Variants in ZCCHC2 observed in about 807,000 individuals in gnomAD.
ZCCHC2 encodes the protein zinc finger CCHC domain-containing protein 2.
In ZCCHC2, 39 loss-of-function variants were observed where a neutral mutation model predicts 103.6. The observed-to-expected ratio is 0.38, with a 90% CI of 0.29 to 0.49. The LOEUF (loss-of-function observed/expected upper bound fraction) is 0.49, where lower values mean the gene tolerates loss of function less well. Ranked by LOEUF, ZCCHC2 falls within the 20% of genes least tolerant of loss-of-function variation. ZCCHC2 has a pLI of 0.96. For missense variants in ZCCHC2, 1,483 were observed against 1,491.0 expected, an observed-to-expected ratio of 0.99 and a Z score of 0.09; for synonymous variants, 687 against 608.9, an observed-to-expected ratio of 1.13 and a Z score of -1.89.
chr18:62,567,415 T>A (rs572581406), intron 11 of ZCCHC2, among the ~76,000 whole-genome samples: 2 of 152,344 alleles, frequency 1.3e-5, no homozygotes, highest in Admixed American at 6.5e-5. Flanking sequence ...TTCTTAAAAA[T>A]TTATTATTAA....
At chr18:62,579,818 G>A (rs1390029299), downstream of ZCCHC2, among the ~76,000 whole-genome samples, 2 of 152,074 alleles carry the variant, frequency 1.3e-5, no homozygotes, top group African/African-American at 4.8e-5. Flanking sequence ...CACCTCCCGG[G>A]TTCAAGTGAT....
chr18:62,560,682 A>G (rs1297044121), intron 8 of ZCCHC2, 38 bp downstream of exon 8: 7 of 1,503,746 alleles, frequency 4.7e-6, no homozygotes, highest in Non-Finnish European at 6.4e-6. Flanking sequence ...GTGCTTTGGT[A>G]TGTTTTAAAA....
chr18:62,552,088 A>G (rs958176309), intron 5 of ZCCHC2: 11 of 152,102 alleles, frequency 7.2e-5, no homozygotes, highest in African/African-American at 2.7e-4. Flanking sequence ...ATTTTCATGT[A>G]TGACAAGATC....
In ZCCHC2 at chr18:62,549,812, T is replaced by C. The variant is rs1568547014; in HGVS notation, c.1201-536T>C. On this transcript the variant is annotated intron_variant, in intron 4 of 13. Coordinates refer to ENST00000269499, the MANE Select transcript of ZCCHC2 (RefSeq NM_017742.6). ...GTGGTTTTTATATAAATAAGTAATA[T>C]TGAGGGTTTCTCACCCGTCTCTCAT... Among the ~76,000 whole-genome samples the C allele has an allele frequency of 9.8e-5, 15 of 152,340 alleles. 1 individual carries two copies. The South Asian group carries it at 2.9e-3, about 29-fold the overall frequency.
intron 11 of ZCCHC2, among the ~76,000 whole-genome samples, chr18:62,565,529 A>G (rs950848649): frequency 2.6e-5 from 4 of 152,120 alleles, no homozygotes; most frequent in African/African-American, 9.7e-5. Flanking sequence ...AAGTTTTATG[A>G]GGCTTTAGGG....
At position 62,558,699 on chromosome 18, in the gene ZCCHC2, C is replaced by G; in HGVS notation, c.1421C>G (p.Ser474Cys). Residue 474 changes from serine (S) to cysteine (C), a missense_variant, in exon 7 of 14, where the codon TCC (serine) becomes TGC (cysteine). By Grantham distance (112) the Ser-to-Cys change is moderately radical. Transcript: ENST00000269499. ...DSLHSINNLQSSLKTSKILEH... is the reference protein window; with the variant it reads ...DSLHSINNLQCSLKTSKILEH... ...ATGCTTCCTGCAGATAACTTACAATCCTCTCTGAAGACTTCTAAGATATTA... is the reference window on the plus strand; with the variant it reads ...ATGCTTCCTGCAGATAACTTACAATGCTCTCTGAAGACTTCTAAGATATTA... 6.6e-7 allele frequency: 1 copy of G among 1,526,014 alleles called. No individual in the cohort carries two copies. Among genetic ancestry groups the G allele is most frequent in the Non-Finnish European group, 8.8e-7 (1 of 1,136,040 alleles). The allele number at this position is 1,526,014 out of a possible 1,614,324, so 94.5% of individuals were successfully genotyped here. A position where few individuals can be genotyped will look rare whatever the true frequency, so the allele number is the denominator to read the frequency against.
intron 11 of ZCCHC2, among the ~76,000 whole-genome samples, chr18:62,567,121 T>C (rs905455455): frequency 4.6e-5 from 7 of 152,230 alleles, no homozygotes; most frequent in African/African-American, 1.7e-4. Context: ...TTGTACAGCT[T>C]GTCTTATTGA....
intron 6 of ZCCHC2, among the ~76,000 whole-genome samples, chr18:62,557,063 A>G (rs991541395): frequency 6.6e-6 from 1 of 152,182 alleles, no homozygotes; most frequent in East Asian, 1.9e-4. Context: ...GTCATAGCCC[A>G]TTAAAATCAC....
At position 62,574,483 on chromosome 18, in the gene ZCCHC2, C is replaced by T. The variant is rs1176034123; in HGVS notation, c.2402C>T (p.Pro801Leu). 6.2e-7 allele frequency: 1 copy of T among 1,613,868 alleles called. No individual in the cohort carries two copies. The highest frequency in any genetic ancestry group is 1.7e-5 in the Admixed American group (1 of 59,994). Residue 801 changes from proline (P) to leucine (L), a missense_variant, in exon 13 of 14, where the codon CCA (proline) becomes CTA (leucine). Physicochemically the swap from Pro to Leu is moderately conservative, Grantham distance 98. Coordinates refer to ENST00000269499, the MANE Select transcript of ZCCHC2 (RefSeq NM_017742.6). Reference sequence around the variant, plus strand: ...TTACCTATTCCATCAACCTTCCTTCCACACAGTAGTACTCCCGCTTTGCAT... The same window carrying T: ...TTACCTATTCCATCAACCTTCCTTCTACACAGTAGTACTCCCGCTTTGCAT... The part of the protein sequence containing the change: ...SPLPIPSTFL[P>L]HSSTPALHLT...
In ZCCHC2 at chr18:62,576,840, C is replaced by A; in HGVS notation, c.*261C>A. ...CTTCAGACAAACTTAAATGTTGGTG[C>A]GTGCTTTTTTTTTTTTTTTTACACT... On this transcript the variant is annotated 3_prime_UTR_variant, in exon 14 of 14. Coordinates refer to ENST00000269499, the MANE Select transcript of ZCCHC2 (RefSeq NM_017742.6). 2 of 211,472 alleles carry A rather than the reference C, an allele frequency of 9.5e-6. No homozygotes were observed. Among genetic ancestry groups the A allele is most frequent in the East Asian group, 8.7e-5 (1 of 11,480 alleles). The allele number at this position is 211,472 out of a possible 1,614,324, so 13.1% of individuals were successfully genotyped here. A position where few individuals can be genotyped will look rare whatever the true frequency, so the allele number is the denominator to read the frequency against.
At chr18:62,527,443 A>C (rs1914482331) in intron 1 of ZCCHC2, among the ~76,000 whole-genome samples, 1 of 152,190 alleles carries the variant, frequency 6.6e-6, no homozygotes, top group Admixed American at 6.5e-5. Flanking sequence ...TATACTTTTT[A>C]GGCTACATTG....
chr18:62,575,254 G>T lies in ZCCHC2; in HGVS notation c.3173G>T (p.Ser1058Ile). The T allele has an allele frequency of 6.2e-7, 1 of 1,613,986 alleles. No individual in the cohort carries two copies. The highest frequency in any genetic ancestry group is 1.1e-5 in the South Asian group (1 of 91,078). ...ACTCTGCCATCCATTTGCAATGGCA[G>T]CTACCTCAACCAAGCACATCAGAGC... The part of the protein sequence containing the change: ...FFTLPSICNG[S>I]YLNQAHQSNG... Residue 1058 changes from serine (S) to isoleucine (I), a missense_variant, in exon 13 of 14, where the codon AGC becomes ATC. Ser to Ile is a moderately radical substitution (Grantham distance 142). This residue lies in a region of ZCCHC2 where 884 missense variants were observed against 907.5 expected (regional missense o/e 0.97). Coordinates refer to ENST00000269499, the MANE Select transcript of ZCCHC2 (RefSeq NM_017742.6).
intron 11 of ZCCHC2, among the ~76,000 whole-genome samples, chr18:62,569,116 TC>T (rs1916487932): frequency 1.3e-5 from 2 of 152,208 alleles, no homozygotes. Flanking sequence ...ACATCAACAT[TC>T]CTAATGACTT....
chr18:62,558,108 A>T (rs1260760216), intron 6 of ZCCHC2, among the ~76,000 whole-genome samples: 3 of 152,140 alleles, frequency 2.0e-5, no homozygotes, highest in East Asian at 3.9e-4. Context: ...CTGAAAAAAA[A>T]TAATGCTAAA....
chr18:62,547,819 A>T (rs115701790), intron 4 of ZCCHC2, among the ~76,000 whole-genome samples: 35 of 152,038 alleles, frequency 2.3e-4, no homozygotes, highest in African/African-American at 6.5e-4. Flanking sequence ...ACCTTGGCCA[A>T]ATGTGCTGGG....
exon 15 of ZCCHC2, chr18:62,584,794 C>G (rs1917129629): frequency 2.6e-5 from 4 of 152,296 alleles, no homozygotes; most frequent in Admixed American, 2.6e-4. Flanking sequence ...AATGTTTCCC[C>G]TCGTTTTCTA....
intron 8 of ZCCHC2, among the ~76,000 whole-genome samples, chr18:62,561,429 C>G (rs1472350737): frequency 6.6e-6 from 1 of 152,270 alleles, no homozygotes; most frequent in Non-Finnish European, 1.5e-5. Context: ...CTTACTCATA[C>G]CACATTAGCG....
chr18:62,553,361 TAATC>T (rs1207199777), intron 5 of ZCCHC2, among the ~76,000 whole-genome samples: 1 of 152,198 alleles, frequency 6.6e-6, no homozygotes, highest in Non-Finnish European at 1.5e-5. Context: ...GAACCATAAT[TAATC>T]AACATATTTT....
Position 62,574,400 on chromosome 18 carries a change from A to G in ZCCHC2, c.2319A>G (p.Leu773=). The change falls in exon 13 of 14, where the codon CTA becomes CTG. Residue 773 remains leucine, a synonymous_variant. Transcript: ENST00000269499. The part of the protein sequence containing the change: ...ESANSTPVGI[L]GPTACTGESE... ...CAAATTCAACCCCTGTTGGAATACT[A>G]GGGCCAACAGCTTGCACTGGAGAAT... The G allele has an allele frequency of 6.2e-7, 1 of 1,614,006 alleles. No homozygotes were observed. The highest frequency in any genetic ancestry group is 8.5e-7 in the Non-Finnish European group (1 of 1,179,900).
Sources: allele counts gnomAD v4.1 joint callset (sites outside exome capture counted in the v4.1 genomes callset), GRCh38; gene constraint gnomAD v4.1.1; regional missense constraint gnomAD v4.1.1; transcripts MANE v1.5; gene names NCBI Gene and HGNC (gene_info 2026-07-23, HGNC 2026-07-21).